The following FAT3 variants were observed in gnomAD, a reference collection of about 807,000 sequenced individuals.
FAT3 encodes the protein FAT atypical cadherin 3.
In FAT3, 95 loss-of-function variants were observed where a neutral mutation model predicts 310.2. The observed-to-expected ratio is 0.31, with a 90% CI of 0.26 to 0.36. The LOEUF (loss-of-function observed/expected upper bound fraction) is 0.36, where lower values mean the gene tolerates loss of function less well. Among genes scored for constraint, FAT3 ranks in the 10% least tolerant of loss-of-function variants. FAT3 has a pLI of 1.00. For synonymous variants in FAT3, 2,314 were observed against 2,192.9 expected (o/e 1.06, Z -1.54); for missense variants, 5,408 against 5,715.6 (o/e 0.95, Z 1.74).
At chr11:92,667,918 T>C (rs556151294) in intron 3 of FAT3, among the ~76,000 whole-genome samples, 11 of 152,306 alleles carry the variant, frequency 7.2e-5, no homozygotes, top group African/African-American at 2.4e-4. Flanking sequence ...CAAGGCCTTT[T>C]CAATAGCAGC....
At chr11:92,848,153 C>T (rs1405910702) in intron 19 of FAT3, among the ~76,000 whole-genome samples, 2 of 152,214 alleles carry the variant, frequency 1.3e-5, no homozygotes, top group Non-Finnish European at 2.9e-5. Context: ...CAACTTCCAG[C>T]TCATCTTTTT....
At chr11:92,230,563 G>A (rs556949637) in intron 1 of FAT3, among the ~76,000 whole-genome samples, 25 of 152,222 alleles carry the variant, frequency 1.6e-4, no homozygotes, top group South Asian at 2.1e-4. Context: ...CAAAGTGCTC[G>A]GATTAGAGGC....
intron 23 of FAT3, among the ~76,000 whole-genome samples, chr11:92,881,136 C>A (rs1156686412): frequency 6.6e-6 from 1 of 152,130 alleles, no homozygotes. Context: ...TGTATGATTA[C>A]TATGTAGTCT....
At position 92,799,076 on chromosome 11, in the gene FAT3, C is replaced by T; in HGVS notation, c.6063C>T (p.Asn2021=). The T allele has an allele frequency of 6.2e-7, 1 of 1,613,898 alleles. No individual in the cohort carries two copies. The highest frequency in any genetic ancestry group is 8.5e-7 in the Non-Finnish European group (1 of 1,179,870). ...AGCCCTTAAAATACAGCATCTTAAA[C>T]CCAGGAAATAAGTTCAAGATAAAAT... ...LNEPLKYSIL[N]PGNKFKIKST... is the part of the protein sequence containing the mutation. The change falls in exon 10 of 28, where the codon AAC becomes AAT. Residue 2021 remains asparagine, a synonymous_variant. Transcript: ENST00000525166.
At chr11:92,848,168 T>C (rs555920889) in intron 19 of FAT3, among the ~76,000 whole-genome samples, 2 of 152,228 alleles carry the variant, frequency 1.3e-5, no homozygotes, top group South Asian at 4.1e-4. Flanking sequence ...CTTTTTCTCA[T>C]ACAGAGAGTT....
chr11:92,844,806 C>G (rs1948646837), intron 19 of FAT3, 74 bp downstream of exon 19: 1 of 1,385,046 alleles, frequency 7.2e-7, no homozygotes, highest in Non-Finnish European at 9.6e-7. Flanking sequence ...TTCCAGCATG[C>G]CTGCATTCAA....
At chr11:92,693,080 G>A (rs983453854) in intron 3 of FAT3, among the ~76,000 whole-genome samples, 1 of 152,118 alleles carries the variant, frequency 6.6e-6, no homozygotes, top group Non-Finnish European at 1.5e-5. Flanking sequence ...GAGGTCATTA[G>A]ATTCTTCCAT....
At chr11:92,667,762 C>T (rs1943004044) in intron 3 of FAT3, among the ~76,000 whole-genome samples, 1 of 152,322 alleles carries the variant, frequency 6.6e-6, no homozygotes, top group East Asian at 1.9e-4. Context: ...GAGGCATCCA[C>T]GGGGTTAACT....
intron 3 of FAT3, among the ~76,000 whole-genome samples, chr11:92,543,038 C>T (rs556360340): frequency 6.6e-6 from 1 of 152,044 alleles, no homozygotes; most frequent in South Asian, 2.1e-4. Flanking sequence ...CGTGGATGGA[C>T]CTGGAGGATA....
intron 3 of FAT3, among the ~76,000 whole-genome samples, chr11:92,651,304 T>C (rs1942371910): frequency 6.6e-6 from 1 of 152,186 alleles, no homozygotes; most frequent in Non-Finnish European, 1.5e-5. Context: ...ATTGTGAAGA[T>C]GGCTGGGCTG....
chr11:92,752,049 C>T (rs1565565300), intron 4 of FAT3, among the ~76,000 whole-genome samples: 1 of 152,136 alleles, frequency 6.6e-6, no homozygotes, highest in Non-Finnish European at 1.5e-5. Flanking sequence ...GGCAGCAGCA[C>T]ATAATGTTTT....
chr11:92,794,380 C>T (rs1947115166), intron 9 of FAT3, among the ~76,000 whole-genome samples: 2 of 152,120 alleles, frequency 1.3e-5, no homozygotes, highest in South Asian at 4.1e-4. Flanking sequence ...CATGCATATA[C>T]ATTGTTTCAT....
chr11:92,530,902 GAAAA>G (rs11464368), intron 3 of FAT3, among the ~76,000 whole-genome samples: 1 of 147,318 alleles, frequency 6.8e-6, no homozygotes, highest in Admixed American at 6.7e-5. Context: ...GGGATTTAAA[GAAAA>G]AAAAAAAGGT....
At chr11:92,425,534 C>A (rs1950613492) in intron 2 of FAT3, among the ~76,000 whole-genome samples, 1 of 152,034 alleles carries the variant, frequency 6.6e-6, no homozygotes, top group Non-Finnish European at 1.5e-5. Context: ...CTATCCCTCC[C>A]CTTGCCCCCA....
At position 92,352,197 on chromosome 11, in the gene FAT3, G is replaced by C; in HGVS notation, c.85G>C (p.Val29Leu). 1 of 1,376,022 alleles carries C rather than the reference G, an allele frequency of 7.3e-7. No homozygotes were observed. The highest frequency in any genetic ancestry group is 1.5e-5 in the African/African-American group (1 of 68,262). 85.2% of individuals were successfully genotyped at this position (1,376,022 alleles called of 1,614,324 possible). Residue 29 changes from valine to leucine, a missense_variant, in exon 2 of 28, where the codon GTC becomes CTC. Val to Leu is a conservative substitution (Grantham distance 32). This residue lies in a region of FAT3 where 152 missense variants were observed against 188.3 expected (regional missense o/e 0.81). Coordinates refer to ENST00000525166, the MANE Select transcript of FAT3 (RefSeq NM_001367949.2). ...ILLLFKLLAT[V>L]SQGLPGTGPL... ...CCTGCTTTTCAAGCTTTTGGCCACT[G>C]TCTCCCAGGGGCTGCCAGGGACTGG...
intron 3 of FAT3, among the ~76,000 whole-genome samples, chr11:92,671,676 G>A (rs1454210491): frequency 1.3e-5 from 2 of 152,074 alleles, no homozygotes; most frequent in Admixed American, 6.5e-5. Context: ...TGTTTAACAT[G>A]TGTCTTTCCT....
intron 9 of FAT3, among the ~76,000 whole-genome samples, chr11:92,794,234 A>C (rs1947110570): frequency 6.6e-6 from 1 of 152,138 alleles, no homozygotes; most frequent in Non-Finnish European, 1.5e-5. Context: ...GGGTTCCACA[A>C]ATAATATAAG....
chr11:92,567,343 C>T (rs1246071744), intron 3 of FAT3, among the ~76,000 whole-genome samples: 1 of 150,302 alleles, frequency 6.7e-6, no homozygotes, highest in African/African-American at 2.5e-5. Flanking sequence ...GAGATACCAT[C>T]TCACACCAGT....
chr11:92,782,811 C>T (rs1032318859), intron 7 of FAT3, among the ~76,000 whole-genome samples: 7 of 152,152 alleles, frequency 4.6e-5, no homozygotes, highest in Admixed American at 2.0e-4. Flanking sequence ...CATTCTTCCT[C>T]TCTCATCTCT....
Sources: allele counts gnomAD v4.1 joint callset (sites outside exome capture counted in the v4.1 genomes callset), GRCh38; gene constraint gnomAD v4.1.1; regional missense constraint gnomAD v4.1.1; transcripts MANE v1.5; gene names NCBI Gene and HGNC (gene_info 2026-07-23, HGNC 2026-07-21).